FILIP1L: variants seen among roughly 807,000 people sequenced by gnomAD.
The protein encoded by FILIP1L is filamin A-interacting protein 1-like.
Under a neutral mutation model 96.6 loss-of-function variants are expected in FILIP1L, and 55 were observed. The observed-to-expected ratio is 0.57, with a 90% CI of 0.46 to 0.71. The LOEUF (loss-of-function observed/expected upper bound fraction) is 0.71. Ranked by LOEUF, FILIP1L falls within the 30% of genes least tolerant of loss-of-function variation. The pLI is 0.00. For missense variants in FILIP1L, 1,304 were observed against 1,321.2 expected (o/e 0.99, Z 0.20); for synonymous variants, 467 against 473.9 (o/e 0.99, Z 0.19).
chr3:99,832,734 G>GA (rs1289251862), intron 5 of FILIP1L, among the ~76,000 whole-genome samples: 2 of 11,594 alleles, frequency 1.7e-4, no homozygotes. Context: ...CCAGCTACTT[G>GA]GAGGCTAAGG....
intron 4 of FILIP1L, among the ~76,000 whole-genome samples, chr3:99,918,812 T>C (rs1707035466): frequency 6.6e-6 from 1 of 152,186 alleles, no homozygotes; most frequent in Non-Finnish European, 1.5e-5. Flanking sequence ...TAACAAAATA[T>C]TTGTTTGCAG....
chr3:100,087,832 C>CTTTTTTT (rs755041519), intron 1 of FILIP1L, among the ~76,000 whole-genome samples: 1 of 114,122 alleles, frequency 8.8e-6, no homozygotes, highest in Non-Finnish European at 1.8e-5. Flanking sequence ...ATTGTTTCAA[C>CTTTTTTT]TTTTTTTTTT....
chr3:99,987,334 G>T (rs1168491256), intron 1 of FILIP1L, among the ~76,000 whole-genome samples: 1 of 151,798 alleles, frequency 6.6e-6, no homozygotes, highest in Admixed American at 6.6e-5. Flanking sequence ...TTCAAGACCA[G>T]CTTGGGCAAG....
At chr3:100,071,451 G>GAT in intron 1 of FILIP1L, among the ~76,000 whole-genome samples, 1 of 152,254 alleles carries the variant, frequency 6.6e-6, no homozygotes, top group East Asian at 1.9e-4. Flanking sequence ...AGTCAAAGTA[G>GAT]ATACTGTTTC....
chr3:99,895,500 T>C (rs1321805682), intron 4 of FILIP1L, among the ~76,000 whole-genome samples: 1 of 152,186 alleles, frequency 6.6e-6, no homozygotes, highest in African/African-American at 2.4e-5. Flanking sequence ...TGATCTCCTT[T>C]TGCAGAAGAG....
chr3:99,830,396 G>C lies in FILIP1L; in HGVS notation c.*18C>G. Reference sequence around the variant, plus strand: ...TATTTCTGTAGATGAATGTATCCAGGCAGTGCATTGGTATGAGTTACCTTC... The same window carrying C: ...TATTTCTGTAGATGAATGTATCCAGCCAGTGCATTGGTATGAGTTACCTTC... On this transcript the variant is annotated 3_prime_UTR_variant, in exon 6 of 6. Transcript: ENST00000477258. 2 of 411,624 alleles carry C rather than the reference G, an allele frequency of 4.9e-6. No individual in the cohort carries two copies. The highest frequency in any genetic ancestry group is 4.8e-4 in the Middle Eastern group (1 of 2,088). The allele number at this position is 411,624 out of a possible 1,614,324, so 25.5% of individuals were successfully genotyped here.
At chr3:99,911,522 G>A (rs1380464026) in intron 4 of FILIP1L, among the ~76,000 whole-genome samples, 1 of 151,876 alleles carries the variant, frequency 6.6e-6, no homozygotes, top group African/African-American at 2.4e-5. Context: ...CAAGGTTGTG[G>A]CATACAGGGT....
chr3:99,987,700 C>T (rs1213304191), intron 1 of FILIP1L, among the ~76,000 whole-genome samples: 2 of 152,176 alleles, frequency 1.3e-5, no homozygotes, highest in African/African-American at 2.4e-5. Flanking sequence ...TAGTTTAGCA[C>T]AGTCCCAAGA....
intron 5 of FILIP1L, 166 bp downstream of exon 5, chr3:99,848,129 T>C (rs1943451484): frequency 2.0e-6 from 3 of 1,479,800 alleles, no homozygotes; most frequent in East Asian, 4.8e-5. Context: ...AGGCAACAGT[T>C]AGTTTCAGAT....
intron 1 of FILIP1L, among the ~76,000 whole-genome samples, chr3:100,048,872 A>G (rs1225360505): frequency 6.6e-6 from 1 of 152,184 alleles, no homozygotes; most frequent in Non-Finnish European, 1.5e-5. Flanking sequence ...TATAAGGTTG[A>G]TATGATGGCC....
At chr3:99,854,262 T>C (rs1943847024) in intron 4 of FILIP1L, among the ~76,000 whole-genome samples, 1 of 152,116 alleles carries the variant, frequency 6.6e-6, no homozygotes, top group Admixed American at 6.5e-5. Context: ...ATTTTCTGTC[T>C]CCATTATTTT....
chr3:99,929,829 G>A, intron 3 of FILIP1L, 27 bp downstream of exon 3: 1 of 1,556,948 alleles, frequency 6.4e-7, no homozygotes, highest in Non-Finnish European at 8.7e-7. Context: ...CTGCCTCCCA[G>A]GTACACACCC....
In FILIP1L at chr3:99,849,981, A is replaced by G. The variant is rs750578542; in HGVS notation, c.1695T>C (p.Asp565=). 6.2e-7 allele frequency: 1 copy of G among 1,612,230 alleles called. No homozygotes were observed. Among genetic ancestry groups the G allele is most frequent in the East Asian group, 2.2e-5 (1 of 44,844 alleles). ...EKMYSVTKER[D]DLKNKLKAEE... is the part of the protein sequence containing the mutation. ...CCGCTTTCAATTTGTTTTTTAAATC[A>G]TCTCTCTCCTTGGTTACGCTGTACA... is the stretch of plus-strand genomic sequence containing the variant. Residue 565 remains aspartate, a synonymous_variant, in exon 5 of 6, where the codon GAT becomes GAC. Coordinates refer to ENST00000477258, the MANE Select transcript of FILIP1L (RefSeq NM_001387850.1).
intron 1 of FILIP1L, among the ~76,000 whole-genome samples, chr3:100,064,250 A>G (rs531412172): frequency 6.6e-6 from 1 of 152,204 alleles, no homozygotes; most frequent in South Asian, 2.1e-4. Flanking sequence ...ATCAAAGTAA[A>G]CATTTCATGA....
At chr3:99,928,221 C>T (rs1156462772) in intron 3 of FILIP1L, among the ~76,000 whole-genome samples, 2 of 152,196 alleles carry the variant, frequency 1.3e-5, no homozygotes, top group Non-Finnish European at 2.9e-5. Flanking sequence ...GCAGAATTCC[C>T]CTTCACTGTT....
chr3:99,849,783 T>G lies in FILIP1L; in HGVS notation c.1893A>C (p.Glu631Asp), dbSNP rs150956085. Residue 631 changes from glutamate (E) to aspartate (D), a missense_variant, in exon 5 of 6, where the codon GAA becomes GAC. By Grantham distance (45) the Glu-to-Asp change is conservative. Transcript: ENST00000477258. ...TTAGCTTCAGTTTCAGTCTTTCCAC[T>G]TCTTGAGAGAGCTCCTTAATCTTAT... is the stretch of plus-strand genomic sequence containing the variant. ...ENNKIKELSQ[E>D]VERLKLKLKD... 60 of 1,613,644 alleles carry G rather than the reference T, an allele frequency of 3.7e-5. No individual in the cohort carries two copies. The East Asian group carries it at 1.3e-3, about 35-fold the overall frequency.
At chr3:100,035,352 C>T (rs1226475434) in intron 1 of FILIP1L, among the ~76,000 whole-genome samples, 1 of 152,186 alleles carries the variant, frequency 6.6e-6, no homozygotes, top group African/African-American at 2.4e-5. Context: ...TGGCTCACTG[C>T]AACCCCCGCC....
chr3:100,108,536 T>C (rs1290625875), intron 1 of FILIP1L, among the ~76,000 whole-genome samples: 1 of 152,166 alleles, frequency 6.6e-6, no homozygotes, highest in Non-Finnish European at 1.5e-5. Context: ...AGACATTAAA[T>C]GCATTGTGGT....
At chr3:99,950,498 C>T (rs1384087167) in intron 1 of FILIP1L, among the ~76,000 whole-genome samples, 1 of 152,158 alleles carries the variant, frequency 6.6e-6, no homozygotes, top group Non-Finnish European at 1.5e-5. Context: ...TTTATATTAT[C>T]TTCCGTTTTC....
Sources: allele counts gnomAD v4.1 joint callset (sites outside exome capture counted in the v4.1 genomes callset), GRCh38; gene constraint gnomAD v4.1.1; transcripts MANE v1.5; gene names NCBI Gene and HGNC (gene_info 2026-07-23, HGNC 2026-07-21).